Variants in CACNA2D1 observed in about 807,000 individuals in gnomAD.
The protein encoded by CACNA2D1 is calcium voltage-gated channel auxiliary subunit alpha2delta 1.
A neutral mutation model predicts 171.5 loss-of-function variants in CACNA2D1; 53 were observed. The observed-to-expected ratio is 0.31, with a 90% CI of 0.25 to 0.39. CACNA2D1 has a LOEUF of 0.39. Ranked by LOEUF, CACNA2D1 falls within the 10% of genes least tolerant of loss-of-function variation. The pLI is 1.00. For synonymous variants in CACNA2D1, 442 were observed against 443.1 expected, an observed-to-expected ratio of 1.00 and a Z score of 0.03; for missense variants, 903 against 1,299.8, an observed-to-expected ratio of 0.69 and a Z score of 4.69.
chr7:81,972,667 T>C (rs1295851491), intron 25 of CACNA2D1, among the ~76,000 whole-genome samples: 3 of 152,044 alleles, frequency 2.0e-5, no homozygotes, highest in Admixed American at 2.0e-4. Context: ...CAAAAACCTC[T>C]GCCTTCTTCC....
chr7:82,325,812 G>A (rs145862494), intron 3 of CACNA2D1, among the ~76,000 whole-genome samples: 4 of 152,250 alleles, frequency 2.6e-5, no homozygotes, highest in African/African-American at 4.8e-5. Flanking sequence ...CATTTTGTTC[G>A]ATATTGTTTT....
chr7:82,152,757 A>G (rs1481847714), intron 4 of CACNA2D1, among the ~76,000 whole-genome samples: 2 of 152,064 alleles, frequency 1.3e-5, no homozygotes, highest in Non-Finnish European at 2.9e-5. Context: ...GTAATTACCC[A>G]GAAAGGCCAA....
chr7:82,332,720 C>A (rs971491243), intron 3 of CACNA2D1, among the ~76,000 whole-genome samples: 2 of 152,072 alleles, frequency 1.3e-5, no homozygotes, highest in East Asian at 1.9e-4. Context: ...AGGAACCAGG[C>A]GGGGTGCAGT....
intron 3 of CACNA2D1, among the ~76,000 whole-genome samples, chr7:82,280,266 T>G (rs1167979788): frequency 1.3e-5 from 2 of 152,208 alleles, no homozygotes; most frequent in Non-Finnish European, 2.9e-5. Flanking sequence ...CATGCTCATG[T>G]ACATGTACAT....
At chr7:82,171,397 C>T (rs1796004534) in intron 3 of CACNA2D1, among the ~76,000 whole-genome samples, 2 of 151,850 alleles carry the variant, frequency 1.3e-5, no homozygotes, top group South Asian at 4.2e-4. Flanking sequence ...ATGTGATAGG[C>T]TTTCATAAGA....
intron 4 of CACNA2D1, among the ~76,000 whole-genome samples, chr7:82,164,179 A>C (rs1457696958): frequency 2.6e-5 from 4 of 151,996 alleles, no homozygotes; most frequent in African/African-American, 9.7e-5. Context: ...AATAATGCTT[A>C]CAAGCAAAAA....
chr7:82,060,223 ATAT>A (rs1562982485), intron 10 of CACNA2D1, among the ~76,000 whole-genome samples: 1 of 17,380 alleles, frequency 5.8e-5, no homozygotes, highest in African/African-American at 1.7e-4. Context: ...TATATATATA[ATAT>A]ATATATATAA....
At chr7:82,212,700 C>A (rs2129228206) in intron 3 of CACNA2D1, among the ~76,000 whole-genome samples, 1 of 152,266 alleles carries the variant, frequency 6.6e-6, no homozygotes, top group South Asian at 2.1e-4. Flanking sequence ...TCTGAACTGG[C>A]ACAATTCAGT....
intron 1 of CACNA2D1, among the ~76,000 whole-genome samples, chr7:82,360,854 A>G (rs528687340): frequency 1.6e-4 from 24 of 152,308 alleles, no homozygotes; most frequent in Admixed American, 1.4e-3. Context: ...GGGTTTATTT[A>G]ACAATCAAAA....
At chr7:82,104,192 ACT>A (rs1431762748) in intron 6 of CACNA2D1, among the ~76,000 whole-genome samples, 11 of 152,058 alleles carry the variant, frequency 7.2e-5, no homozygotes, top group African/African-American at 2.7e-4. Flanking sequence ...TTATTTTAAT[ACT>A]GACTTTTTTA....
chr7:82,018,920 G>A (rs554380658), intron 12 of CACNA2D1, among the ~76,000 whole-genome samples: 2 of 149,094 alleles, frequency 1.3e-5, no homozygotes, highest in African/African-American at 4.9e-5. Context: ...AGGAGGTGGA[G>A]GTTGCAGTGA....
At chr7:82,130,285 CAAG>C (rs891359163) in intron 5 of CACNA2D1, among the ~76,000 whole-genome samples, 2 of 152,056 alleles carry the variant, frequency 1.3e-5, no homozygotes, top group African/African-American at 4.8e-5. Context: ...GCTGTGCCTT[CAAG>C]AAGGAGAAAC....
At chr7:82,245,130 C>T (rs1043209370) in intron 3 of CACNA2D1, among the ~76,000 whole-genome samples, 1 of 152,186 alleles carries the variant, frequency 6.6e-6, no homozygotes, top group African/African-American at 2.4e-5. Flanking sequence ...ATAAAGCTTC[C>T]TCCACCATAT....
intron 1 of CACNA2D1, among the ~76,000 whole-genome samples, chr7:82,438,067 A>G (rs1830236872): frequency 6.6e-6 from 1 of 152,148 alleles, no homozygotes; most frequent in African/African-American, 2.4e-5. Flanking sequence ...TTTTTTAATT[A>G]CTTGTCAATT....
intron 3 of CACNA2D1, among the ~76,000 whole-genome samples, chr7:82,172,138 C>G (rs1796081514): frequency 6.6e-6 from 1 of 151,956 alleles, no homozygotes; most frequent in Non-Finnish European, 1.5e-5. Context: ...TTTTGTTTTT[C>G]ACTACTAGGT....
intron 1 of CACNA2D1, among the ~76,000 whole-genome samples, chr7:82,390,205 G>T (rs931976872): frequency 6.6e-6 from 1 of 152,240 alleles, no homozygotes. Context: ...TCCTTTCTAA[G>T]GTCTTAACCT....
At chr7:82,014,281 C>T (rs978632836) in intron 13 of CACNA2D1, 120 bp downstream of exon 13, 31 of 670,314 alleles carry the variant, frequency 4.6e-5, no homozygotes, top group Non-Finnish European at 8.1e-5. Flanking sequence ...CAGAATCTTA[C>T]TCTTGTCTGA....
intron 1 of CACNA2D1, among the ~76,000 whole-genome samples, chr7:82,361,090 TTGTCC>T (rs1479868992): frequency 2.6e-5 from 4 of 152,212 alleles, no homozygotes; most frequent in Non-Finnish European, 5.9e-5. Context: ...TTCAACCTTT[TTGTCC>T]TCACAGAACA....
At chr7:82,401,100 T>C (rs1325044826) in intron 1 of CACNA2D1, among the ~76,000 whole-genome samples, 1 of 152,088 alleles carries the variant, frequency 6.6e-6, no homozygotes. Flanking sequence ...ACTTTTACAC[T>C]GTTGGTGGGA....
Sources: gnomAD v4.1 joint callset for allele counts (sites outside exome capture counted in the v4.1 genomes callset) on GRCh38, gnomAD v4.1.1 for gene constraint, MANE v1.5 for transcripts, NCBI Gene and HGNC (gene_info 2026-07-23, HGNC 2026-07-21) for gene names.